The following PRLR variants were observed in gnomAD, a reference collection of about 807,000 sequenced individuals.
PRLR encodes prolactin receptor, also known as hPRL receptor.
Under a neutral mutation model 40.2 loss-of-function variants are expected in PRLR, and 13 were observed. The observed-to-expected ratio is 0.32, with a 90% CI of 0.21 to 0.51. PRLR has a LOEUF of 0.51. Ranked by LOEUF, PRLR falls within the 20% of genes least tolerant of loss-of-function variation. PRLR has a pLI of 0.97. For missense variants in PRLR, 656 were observed against 747.3 expected (o/e 0.88, Z 1.42); for synonymous variants, 269 against 278.7 (o/e 0.97, Z 0.35).
intron 1 of PRLR, among the ~76,000 whole-genome samples, chr5:35,136,579 C>G (rs1561327398): frequency 6.6e-6 from 1 of 152,142 alleles, no homozygotes; most frequent in Non-Finnish European, 1.5e-5. Flanking sequence ...ATGGGAGAGG[C>G]AGCATCAGGG....
intron 1 of PRLR, among the ~76,000 whole-genome samples, chr5:35,222,040 C>T (rs1483758055): frequency 2.0e-5 from 3 of 152,208 alleles, no homozygotes; most frequent in East Asian, 1.9e-4. Context: ...TGCAATGGCT[C>T]ATGCCTGTAA....
chr5:35,055,045 C>A (rs76025691), downstream of PRLR, among the ~76,000 whole-genome samples: 9 of 152,100 alleles, frequency 5.9e-5, no homozygotes, highest in East Asian at 7.7e-4. Flanking sequence ...GGTAAATGAG[C>A]CTTTGTTATG....
At chr5:35,080,117 A>C (rs1016166742) in intron 5 of PRLR, among the ~76,000 whole-genome samples, 1 of 152,230 alleles carries the variant, frequency 6.6e-6, no homozygotes, top group African/African-American at 2.4e-5. Flanking sequence ...ACCATTCAGG[A>C]CATAGGCATG....
intron 1 of PRLR, among the ~76,000 whole-genome samples, chr5:35,222,736 A>C (rs1051301562): frequency 1.6e-4 from 24 of 152,186 alleles, no homozygotes; most frequent in African/African-American, 5.8e-4. Flanking sequence ...TTAATAAGGT[A>C]TGTGGAATTC....
At chr5:35,073,674 A>G (rs1317391450) in intron 5 of PRLR, among the ~76,000 whole-genome samples, 1 of 152,184 alleles carries the variant, frequency 6.6e-6, no homozygotes, top group Non-Finnish European at 1.5e-5. Context: ...CATGGTTGTA[A>G]GACATTGCGT....
intron 1 of PRLR, among the ~76,000 whole-genome samples, chr5:35,151,967 T>C (rs1481651263): frequency 2.0e-5 from 3 of 152,190 alleles, no homozygotes; most frequent in Admixed American, 1.3e-4. Context: ...AACAAACAGG[T>C]TGGGCTTGTT....
At chr5:35,119,370 CCT>C (rs1209913837) in intron 1 of PRLR, among the ~76,000 whole-genome samples, 194 of 147,272 alleles carry the variant, frequency 1.3e-3, no homozygotes, top group African/African-American at 4.4e-3. Context: ...CCATTGACAA[CCT>C]CTCTCTCTCT....
intron 8 of PRLR, among the ~76,000 whole-genome samples, chr5:35,049,931 G>A (rs1768433014): frequency 1.5e-5 from 2 of 132,364 alleles, no homozygotes; most frequent in Non-Finnish European, 3.1e-5. Flanking sequence ...TTTTGAGACA[G>A]AGTTTCGCAC....
intron 1 of PRLR, among the ~76,000 whole-genome samples, chr5:35,196,629 C>T (rs1240060539): frequency 3.3e-5 from 5 of 152,184 alleles, no homozygotes; most frequent in Non-Finnish European, 7.4e-5. Context: ...CTGCAGGAAT[C>T]CCCCTCCTCT....
intron 1 of PRLR, among the ~76,000 whole-genome samples, chr5:35,157,069 C>A (rs1314107429): frequency 2.0e-5 from 3 of 152,000 alleles, no homozygotes; most frequent in Non-Finnish European, 4.4e-5. Context: ...ATTAAAGATG[C>A]AATGAGATAT....
chr5:35,173,907 T>G (rs1323170400), intron 1 of PRLR, among the ~76,000 whole-genome samples: 1 of 152,214 alleles, frequency 6.6e-6, no homozygotes, highest in Non-Finnish European at 1.5e-5. Context: ...TATGTATGAA[T>G]GTGCCATGTT....
At chr5:35,066,953 C>T (rs1769416811) in intron 9 of PRLR, among the ~76,000 whole-genome samples, 1 of 151,952 alleles carries the variant, frequency 6.6e-6, no homozygotes, top group South Asian at 2.1e-4. Context: ...TTAGTAGAGA[C>T]AGGGTTTCAC....
In PRLR at chr5:35,065,760, C is replaced by G. The variant is rs144399444; in HGVS notation, c.1198G>C (p.Glu400Gln). 1.7e-3 allele frequency: 2,764 copies of G among 1,613,996 alleles called. 2 individuals are homozygous for G. The highest frequency in any genetic ancestry group is 2.1e-3 in the Non-Finnish European group (2,502 of 1,180,030). ...HTWDPQCISMEGKIPYFHAGG... is the reference protein window; with the variant it reads ...HTWDPQCISMQGKIPYFHAGG... ...GCATGAAAATAGGGGATTTTGCCTTCCATGCTTATGCACTGGGGGTCCCAG... is the reference window on the plus strand; with the variant it reads ...GCATGAAAATAGGGGATTTTGCCTTGCATGCTTATGCACTGGGGGTCCCAG... The change falls in exon 10 of 10, where the codon GAA (glutamate) becomes CAA (glutamine). Residue 400 changes from glutamate to glutamine, a missense_variant. Glu to Gln is a conservative substitution (Grantham distance 29, BLOSUM62 2). Around this residue, in one of 3 missense-constraint regions of PRLR, gnomAD observed 469 missense variants for 491.5 expected, o/e 0.95. Coordinates refer to ENST00000618457, the MANE Select transcript of PRLR (RefSeq NM_000949.7).
downstream of PRLR, among the ~76,000 whole-genome samples, chr5:35,051,748 C>G (rs1294513957): frequency 6.6e-6 from 1 of 152,052 alleles, no homozygotes; most frequent in Non-Finnish European, 1.5e-5. Flanking sequence ...TGTTTAGCCA[C>G]CAAAAGGAAA....
At chr5:35,105,099 A>T (rs904466212) in intron 2 of PRLR, among the ~76,000 whole-genome samples, 1 of 152,226 alleles carries the variant, frequency 6.6e-6, no homozygotes, top group African/African-American at 2.4e-5. Context: ...GGTGATACTC[A>T]GGCAAACAGG....
chr5:35,201,769 T>C (rs1196373144), intron 1 of PRLR, among the ~76,000 whole-genome samples: 3 of 152,158 alleles, frequency 2.0e-5, no homozygotes, highest in Non-Finnish European at 2.9e-5. Flanking sequence ...TGAGGCTGCT[T>C]GGTTCCAGAT....
intron 5 of PRLR, among the ~76,000 whole-genome samples, chr5:35,078,700 T>A (rs1247195646): frequency 6.6e-6 from 1 of 152,080 alleles, no homozygotes; most frequent in Non-Finnish European, 1.5e-5. Flanking sequence ...CCTCCCTAAC[T>A]CATTTCGTGA....
chr5:35,180,781 T>C lies in PRLR; in HGVS notation c.-106+49487A>G, dbSNP rs542228129. Among the ~76,000 whole-genome samples, 19 of 152,258 alleles carry C rather than the reference T, an allele frequency of 1.2e-4. No homozygotes were observed. In the South Asian group the frequency reaches 3.7e-3, roughly 30 times the overall value. On this transcript the variant is annotated intron_variant, in intron 1 of 9. Transcript: ENST00000618457. ...CCCTGGTGTGTGAGGTTCCCCACCC[T>C]GTGTCCAAGTGTTCTCATTGTTCAA...
intron 1 of PRLR, among the ~76,000 whole-genome samples, chr5:35,172,221 G>A (rs528581201): frequency 6.6e-6 from 1 of 152,226 alleles, no homozygotes; most frequent in Non-Finnish European, 1.5e-5. Context: ...AGGGCCGTGA[G>A]CTGGAAGACC....
Sources: allele counts gnomAD v4.1 joint callset (sites outside exome capture counted in the v4.1 genomes callset), GRCh38; gene constraint gnomAD v4.1.1; regional missense constraint gnomAD v4.1.1; transcripts MANE v1.5; gene names NCBI Gene and HGNC (gene_info 2026-07-23, HGNC 2026-07-21).